FNDC3B: variants seen among roughly 807,000 people sequenced by gnomAD.
FNDC3B encodes fibronectin type III domain-containing protein 3B.
FNDC3B carries 12 observed loss-of-function variants against 151.5 expected under a neutral mutation model. The observed-to-expected ratio is 0.08, with a 90% CI of 0.05 to 0.13. The LOEUF is 0.13. Among genes scored for constraint, FNDC3B ranks in the 10% least tolerant of loss-of-function variants. The pLI is 1.00. For missense variants in FNDC3B, 1,214 were observed against 1,505.3 expected (o/e 0.81, Z 3.20); for synonymous variants, 528 against 549.0 (o/e 0.96, Z 0.54).
intron 6 of FNDC3B, among the ~76,000 whole-genome samples, chr3:172,274,535 T>C (rs1241634021): frequency 1.3e-5 from 2 of 152,182 alleles, no homozygotes; most frequent in Admixed American, 6.5e-5. Flanking sequence ...TCTGATTTGC[T>C]GAATCTATAT....
intron 3 of FNDC3B, among the ~76,000 whole-genome samples, chr3:172,179,160 CA>C (rs1576768235): frequency 6.6e-6 from 1 of 152,150 alleles, no homozygotes; most frequent in East Asian, 1.9e-4. Context: ...CTCCCAGGTT[CA>C]AGCGATTCTC....
At chr3:172,156,623 GCTAATTGAAC>G (rs1354788421) in intron 3 of FNDC3B, among the ~76,000 whole-genome samples, 7 of 152,102 alleles carry the variant, frequency 4.6e-5, no homozygotes, top group Non-Finnish European at 1.0e-4. Flanking sequence ...TGTATCCTTT[GCTAATTGAAC>G]CTGGAAAACC....
intron 3 of FNDC3B, among the ~76,000 whole-genome samples, chr3:172,147,225 T>G (rs1175527820): frequency 6.7e-6 from 1 of 150,240 alleles, no homozygotes; most frequent in Middle Eastern, 3.2e-3. Flanking sequence ...GAGAATTGCC[T>G]AAACCCAGGA....
At chr3:172,351,450 G>A (rs1452339962) in intron 21 of FNDC3B, among the ~76,000 whole-genome samples, 2 of 152,222 alleles carry the variant, frequency 1.3e-5, no homozygotes, top group East Asian at 3.9e-4. Context: ...TGAAGTCACA[G>A]TGCTAATGGG....
intron 1 of FNDC3B, among the ~76,000 whole-genome samples, chr3:172,055,062 C>T (rs1330128062): frequency 6.6e-6 from 1 of 152,128 alleles, no homozygotes; most frequent in Non-Finnish European, 1.5e-5. Flanking sequence ...ACTTTCACCA[C>T]CATCACCAAA....
intron 11 of FNDC3B, chr3:172,317,146 C>T (rs767907067): frequency 6.7e-6 from 3 of 448,058 alleles, no homozygotes; most frequent in Non-Finnish European, 1.3e-5. Context: ...ATGACCACCT[C>T]TCAACATGTT....
chr3:172,188,177 T>C (rs930459312), intron 3 of FNDC3B, among the ~76,000 whole-genome samples: 2 of 151,262 alleles, frequency 1.3e-5, no homozygotes, highest in Middle Eastern at 3.4e-3. Flanking sequence ...GTATTTTTAG[T>C]AGAGACAGGG....
intron 4 of FNDC3B, among the ~76,000 whole-genome samples, chr3:172,240,615 C>T (rs529101083): frequency 2.0e-5 from 3 of 152,156 alleles, no homozygotes; most frequent in Non-Finnish European, 4.4e-5. Flanking sequence ...TATGAAAAAT[C>T]TTGGTTCTGC....
chr3:172,390,538 C>A (rs1735954949), intron 25 of FNDC3B, among the ~76,000 whole-genome samples: 1 of 150,912 alleles, frequency 6.6e-6, no homozygotes, highest in Non-Finnish European at 1.5e-5. Context: ...CGTTTGGGCT[C>A]ACTTTTTTTT....
At position 172,229,136 on chromosome 3, in the gene FNDC3B, C is replaced by CACACAA. The variant is rs1272151522; in HGVS notation, c.264+2190_264+2191insCACAAA. Among the ~76,000 whole-genome samples, 105 of 81,682 alleles carry CACACAA rather than the reference C, an allele frequency of 1.3e-3. 1 individual carries two copies. Among genetic ancestry groups the CACACAA allele is most frequent in the Middle Eastern group, 6.3e-3 (1 of 160 alleles). 53.6% of individuals were successfully genotyped at this position (81,682 alleles called of 152,430 possible). A position where few individuals can be genotyped will look rare whatever the true frequency, so the allele number is the denominator to read the frequency against. ...ACACACACACACACACACACACACA[C>CACACAA]AATCTCCTGCAGCAGGCTGGACATA... is the stretch of plus-strand genomic sequence containing the variant. On this transcript the variant is annotated intron_variant, in intron 4 of 25. Coordinates refer to ENST00000415807, the MANE Select transcript of FNDC3B (RefSeq NM_022763.4).
At chr3:172,154,304 C>T (rs888763085) in intron 3 of FNDC3B, among the ~76,000 whole-genome samples, 2 of 152,154 alleles carry the variant, frequency 1.3e-5, no homozygotes, top group Non-Finnish European at 2.9e-5. Flanking sequence ...CAACCTCCAC[C>T]TTCTGGGTTC....
At chr3:172,268,544 T>C (rs1444720496) in intron 6 of FNDC3B, among the ~76,000 whole-genome samples, 1 of 152,168 alleles carries the variant, frequency 6.6e-6, no homozygotes, top group African/African-American at 2.4e-5. Context: ...ACCATGACAC[T>C]CTGTACATGG....
intron 8 of FNDC3B, among the ~76,000 whole-genome samples, chr3:172,295,855 A>G (rs1421929237): frequency 6.6e-6 from 1 of 152,246 alleles, no homozygotes; most frequent in African/African-American, 2.4e-5. Flanking sequence ...GTGACCGCTT[A>G]TGTTTTAGAT....
intron 11 of FNDC3B, among the ~76,000 whole-genome samples, chr3:172,325,979 A>C (rs1321924493): frequency 6.6e-6 from 1 of 151,906 alleles, no homozygotes; most frequent in Non-Finnish European, 1.5e-5. Flanking sequence ...GTCTACCACC[A>C]CGCCTGGGTA....
At chr3:172,298,963 G>A (rs73880143) in intron 9 of FNDC3B, among the ~76,000 whole-genome samples, 176 bp downstream of exon 9, 2,855 of 152,312 alleles carry the variant, frequency 0.019, 95 homozygotes, top group African/African-American at 0.066. Context: ...AGACACAGAA[G>A]CGCTTCTGTG....
intron 1 of FNDC3B, among the ~76,000 whole-genome samples, chr3:172,063,823 AC>A (rs896354848): frequency 2.0e-5 from 3 of 152,132 alleles, no homozygotes; most frequent in African/African-American, 7.2e-5. Flanking sequence ...TCAGGATGAG[AC>A]CCTGCTGTGG....
intron 11 of FNDC3B, chr3:172,316,354 T>C (rs570015170): frequency 1.2e-4 from 53 of 445,780 alleles, no homozygotes; most frequent in South Asian, 8.1e-4. Context: ...AGTTTTTCTC[T>C]AGAAGAAGCT....
chr3:172,337,230 C>T, intron 15 of FNDC3B, 100 bp from the exon 16 acceptor site: 2 of 710,872 alleles, frequency 2.8e-6, no homozygotes, highest in Non-Finnish European at 4.7e-6. Flanking sequence ...GTCTAGAATT[C>T]AGATAGTATA....
intron 6 of FNDC3B, among the ~76,000 whole-genome samples, chr3:172,270,896 T>A (rs1246728306): frequency 6.6e-6 from 1 of 152,260 alleles, no homozygotes; most frequent in South Asian, 2.1e-4. Context: ...TAGTTCATTA[T>A]GTGTGCTTGA....
Sources: gnomAD v4.1 joint callset for allele counts (sites outside exome capture counted in the v4.1 genomes callset) on GRCh38, gnomAD v4.1.1 for gene constraint, MANE v1.5 for transcripts, NCBI Gene and HGNC (gene_info 2026-07-23, HGNC 2026-07-21) for gene names.